Variants in DZANK1 observed in about 807,000 individuals in gnomAD.
DZANK1 encodes double zinc ribbon and ankyrin repeat-containing protein 1.
Under a neutral mutation model 94.5 loss-of-function variants are expected in DZANK1, and 91 were observed. The observed-to-expected ratio is 0.96, with a 90% CI of 0.81 to 1.15. The LOEUF (loss-of-function observed/expected upper bound fraction) is 1.15, where lower values mean the gene tolerates loss of function less well. Among genes scored for constraint, DZANK1 ranks in the 50% most tolerant of loss-of-function variants. The pLI, the probability that DZANK1 is intolerant of heterozygous loss-of-function variation, is 0.00. For missense variants in DZANK1, 903 were observed against 916.4 expected (o/e 0.99, Z 0.19); for synonymous variants, 312 against 325.3 (o/e 0.96, Z 0.44).
chr20:18,408,080 C>T (rs1381872860), intron 13 of DZANK1, among the ~76,000 whole-genome samples: 1 of 152,150 alleles, frequency 6.6e-6, no homozygotes, highest in Admixed American at 6.5e-5. Context: ...CTTCGGGAGG[C>T]CAAGGTGGGT....
chr20:18,414,383 C>G (rs1231505576), exon 12 of DZANK1: 1 of 1,613,966 alleles, frequency 6.2e-7, no homozygotes, highest in Non-Finnish European at 8.5e-7. Context: ...GCAGCTAGAG[C>G]CAGGCTTCTG....
chr20:18,441,000 T>G (rs2058699498), intron 8 of DZANK1, among the ~76,000 whole-genome samples: 1 of 152,218 alleles, frequency 6.6e-6, no homozygotes, highest in East Asian at 1.9e-4. Flanking sequence ...TATATTATTT[T>G]GGGCTGTCAT....
At chr20:18,384,708 C>T in intron 20 of DZANK1, 144 bp from the exon 21 acceptor site, 1 of 876,190 alleles carries the variant, frequency 1.1e-6, no homozygotes, top group Non-Finnish European at 1.7e-6. Context: ...GTCACAGTGA[C>T]TTCAGTTCTC....
In DZANK1 at chr20:18,404,796, C is replaced by T. The variant is rs528395118; in HGVS notation, c.1433-6170G>A. Among the ~76,000 whole-genome samples, 3 of 152,180 alleles carry T rather than the reference C, an allele frequency of 2.0e-5. No individual in the cohort carries two copies. In the South Asian group the frequency reaches 6.2e-4, roughly 32 times the overall value. Reference sequence around the variant, plus strand: ...GAGTAGTGGAATGTACATGTAGTCCCTGCAACTCGAGAGGCTGAGATGAAA... The same window carrying T: ...GAGTAGTGGAATGTACATGTAGTCCTTGCAACTCGAGAGGCTGAGATGAAA... On this transcript the variant is annotated intron_variant, in intron 13 of 20. Transcript: ENST00000262547.
exon 3 of DZANK1, chr20:18,460,246 C>T (rs949397056): frequency 6.3e-7 from 1 of 1,593,294 alleles, no homozygotes; most frequent in Non-Finnish European, 8.6e-7. Context: ...ATAACCAATT[C>T]TCTTTAGAAA....
intron 10 of DZANK1, among the ~76,000 whole-genome samples, chr20:18,426,033 TA>T (rs2058025390): frequency 6.6e-6 from 1 of 152,106 alleles, no homozygotes; most frequent in Admixed American, 6.6e-5. Context: ...AGGAAACTAG[TA>T]CACACCCATT....
intron 10 of DZANK1, among the ~76,000 whole-genome samples, chr20:18,417,034 C>A (rs73121145): frequency 8.9e-4 from 124 of 139,746 alleles, no homozygotes; most frequent in Non-Finnish European, 1.1e-3. Flanking sequence ...CAAAAAAAAA[C>A]AAAAAAAAAA....
At position 18,437,158 on chromosome 20, in the gene DZANK1, C is replaced by T. The variant is rs559436490; in HGVS notation, c.748-3393G>A. ...TGACTCCATAGAACTTTTATCTCAT[C>T]TTCTTTAAATGACATAAGATTGTAT... On this transcript the variant is annotated intron_variant, in intron 8 of 20. Transcript: ENST00000262547. Among the ~76,000 whole-genome samples, 103 of 152,282 alleles carry T rather than the reference C, an allele frequency of 6.8e-4. 1 individual carries two copies. In the South Asian group the frequency reaches 0.016, roughly 24 times the overall value.
chr20:18,412,859 C>T lies in DZANK1; in HGVS notation c.1243-24G>A, dbSNP rs79911000. ...GACTGCCAGGCACATCGGGGCCATGCGTGAGGCAGAAGACATTTTTAAAAT... is the reference window on the plus strand; with the variant it reads ...GACTGCCAGGCACATCGGGGCCATGTGTGAGGCAGAAGACATTTTTAAAAT... On this transcript the variant is annotated intron_variant, in intron 12 of 20. Transcript: ENST00000262547. 28 of 1,610,700 alleles carry T rather than the reference C, an allele frequency of 1.7e-5. No individual in the cohort carries two copies. The highest frequency in any genetic ancestry group is 3.3e-4 in the Middle Eastern group (2 of 6,030).
intron 13 of DZANK1, among the ~76,000 whole-genome samples, chr20:18,408,818 G>A (rs778252908): frequency 1.1e-4 from 16 of 152,124 alleles, no homozygotes; most frequent in South Asian, 2.1e-4. Flanking sequence ...GAAATTATCC[G>A]AAGGTCCAAA....
At chr20:18,443,238 TCAA>T (rs1326334881) in intron 8 of DZANK1, 106 bp downstream of exon 8, 1 of 790,536 alleles carries the variant, frequency 1.3e-6, no homozygotes, top group Non-Finnish European at 2.1e-6. Context: ...CAGTAATTCT[TCAA>T]CAAGTATTTA....
chr20:18,426,785 G>A (rs1204461103), intron 10 of DZANK1, among the ~76,000 whole-genome samples: 1 of 152,170 alleles, frequency 6.6e-6, no homozygotes, highest in Non-Finnish European at 1.5e-5. Flanking sequence ...ATGTGAATGA[G>A]TTCACTTCCC....
chr20:18,437,959 C>A (rs1262117686), intron 8 of DZANK1, among the ~76,000 whole-genome samples: 1 of 151,936 alleles, frequency 6.6e-6, no homozygotes, highest in Non-Finnish European at 1.5e-5. Flanking sequence ...TGGCTCACGC[C>A]TGTAATCCCA....
At chr20:18,386,943 G>T (rs1202934076) in intron 19 of DZANK1, among the ~76,000 whole-genome samples, 3 of 152,200 alleles carry the variant, frequency 2.0e-5, no homozygotes, top group African/African-American at 7.2e-5. Context: ...GTGTGCCAGT[G>T]TATTAGTCCA....
At chr20:18,421,500 A>C (rs928946896) in intron 10 of DZANK1, 1 of 152,424 alleles carries the variant, frequency 6.6e-6, no homozygotes, top group Non-Finnish European at 1.5e-5. Context: ...GCAGTCTTCT[A>C]GGCTTTAAGC....
chr20:18,433,447 C>A, intron 9 of DZANK1: 1 of 513,804 alleles, frequency 1.9e-6, no homozygotes, highest in South Asian at 2.1e-5. Flanking sequence ...GAGGCTGAGG[C>A]AGGAGAATCA....
intron 4 of DZANK1, chr20:18,454,302 C>G (rs2059207769): frequency 3.1e-6 from 1 of 325,054 alleles, no homozygotes; most frequent in African/African-American, 2.2e-5. Context: ...TTGGCTTAGC[C>G]CCCGAAGGCG....
chr20:18,410,989 T>C (rs549264663), intron 13 of DZANK1, among the ~76,000 whole-genome samples: 1 of 152,204 alleles, frequency 6.6e-6, no homozygotes, highest in African/African-American at 2.4e-5. Flanking sequence ...ACACCAAACT[T>C]ATGGGACGCA....
chr20:18,452,874 A>T (rs556288390), intron 5 of DZANK1, 135 bp from the exon 6 acceptor site: 5 of 895,950 alleles, frequency 5.6e-6, no homozygotes, highest in Non-Finnish European at 8.1e-6. Context: ...TAACAATTAT[A>T]TAAAGAGCTC....
Sources: gnomAD v4.1 joint callset for allele counts (sites outside exome capture counted in the v4.1 genomes callset) on GRCh38, gnomAD v4.1.1 for gene constraint, MANE v1.5 for transcripts, NCBI Gene and HGNC (gene_info 2026-07-23, HGNC 2026-07-21) for gene names.